The following MAP3K20 variants were observed in gnomAD, a reference collection of about 807,000 sequenced individuals.
MAP3K20 encodes mitogen-activated protein kinase kinase kinase 20, also known as HCCS-4.
MAP3K20 carries 40 observed loss-of-function variants against 85.7 expected under a neutral mutation model. The ratio of observed to expected loss-of-function variants is 0.47; its 90% CI spans 0.36 to 0.61. The LOEUF (loss-of-function observed/expected upper bound fraction) is 0.61. Ranked by LOEUF, MAP3K20 falls within the 20% of genes least tolerant of loss-of-function variation. The pLI is 0.00. For synonymous variants in MAP3K20, 325 were observed against 327.7 expected, an observed-to-expected ratio of 0.99 and a Z score of 0.09; for missense variants, 817 against 961.7, an observed-to-expected ratio of 0.85 and a Z score of 1.99.
chr2:173,221,622 G>A, intron 11 of MAP3K20: 5 of 1,364,430 alleles, frequency 3.7e-6, no homozygotes, highest in Non-Finnish European at 4.8e-6. Flanking sequence ...TAAGGAGGCA[G>A]AAAGCCAAGC....
intron 11 of MAP3K20, chr2:173,227,114 A>C (rs996602081): frequency 4.1e-6 from 4 of 985,694 alleles, no homozygotes; most frequent in Non-Finnish European, 3.6e-6. Context: ...TTGTTCTAAG[A>C]CTCCATTTTG....
chr2:173,116,193 A>G (rs2106181206), intron 2 of MAP3K20, among the ~76,000 whole-genome samples: 2 of 152,268 alleles, frequency 1.3e-5, no homozygotes, highest in South Asian at 2.1e-4. Flanking sequence ...GTATATATTC[A>G]TGCTGTACAA....
intron 2 of MAP3K20, among the ~76,000 whole-genome samples, chr2:173,148,489 T>G (rs1023398868): frequency 6.6e-6 from 1 of 152,152 alleles, no homozygotes; most frequent in African/African-American, 2.4e-5. Context: ...ATGAGTGGTG[T>G]GAGTAGAATG....
chr2:173,255,263 C>T (rs1043227900), intron 16 of MAP3K20, among the ~76,000 whole-genome samples: 7 of 152,152 alleles, frequency 4.6e-5, no homozygotes, highest in African/African-American at 1.4e-4. Flanking sequence ...GTCCTTCTTC[C>T]GCCTGCCTGT....
intron 2 of MAP3K20, among the ~76,000 whole-genome samples, chr2:173,118,001 C>G (rs1442467980): frequency 6.6e-6 from 1 of 152,182 alleles, no homozygotes; most frequent in Admixed American, 6.5e-5. Flanking sequence ...TGGCAGGAGA[C>G]TTACCCCCAA....
At chr2:173,233,890 A>C (rs1279769078) in intron 14 of MAP3K20, among the ~76,000 whole-genome samples, 1 of 152,170 alleles carries the variant, frequency 6.6e-6, no homozygotes, top group East Asian at 1.9e-4. Context: ...CACTTCCACA[A>C]CAGAAAGAGG....
intron 2 of MAP3K20, among the ~76,000 whole-genome samples, chr2:173,122,827 G>A (rs949393243): frequency 6.6e-6 from 1 of 152,150 alleles, no homozygotes; most frequent in African/African-American, 2.4e-5. Flanking sequence ...CACCGATCTT[G>A]TCTTTGGCAC....
At chr2:173,163,487 T>G (rs2106242557) in intron 2 of MAP3K20, among the ~76,000 whole-genome samples, 1 of 152,276 alleles carries the variant, frequency 6.6e-6, no homozygotes, top group African/African-American at 2.4e-5. Context: ...ATAATATTCC[T>G]AGCTCCATCC....
chr2:173,173,154 CTGTGTG>C (rs57836780), intron 3 of MAP3K20, among the ~76,000 whole-genome samples: 9,507 of 138,522 alleles, frequency 0.069, 532 homozygotes, highest in African/African-American at 0.16. Flanking sequence ...TCTTTTATTT[CTGTGTG>C]TGTGTGTGTG....
rs571778026 is a variant in MAP3K20, at chr2:173,147,055, T to A, written c.160-22750T>A. ...GGCCTATTTTTAATTCAATTATTTA[T>A]CTTTTTGTTATTGAGTTGTAAGAAT... On this transcript the variant is annotated intron_variant, in intron 2 of 19. Transcript: ENST00000375213. 1.2e-4 allele frequency among the ~76,000 whole-genome samples: 18 copies of A among 152,354 alleles called. No individual in the cohort carries two copies. In the South Asian group the frequency reaches 3.7e-3, roughly 32 times the overall value.
At chr2:173,090,553 T>C in intron 1 of MAP3K20, 1 of 916,918 alleles carries the variant, frequency 1.1e-6, no homozygotes, top group Non-Finnish European at 1.3e-6. Context: ...TGGCTTAGGT[T>C]GTGTATATTT....
intron 2 of MAP3K20, among the ~76,000 whole-genome samples, chr2:173,098,036 C>T (rs1419878797): frequency 6.6e-6 from 1 of 152,114 alleles, no homozygotes; most frequent in Non-Finnish European, 1.5e-5. Context: ...ATTGTAAGTG[C>T]TATTTTAAAT....
chr2:173,120,513 A>G (rs1232568417), intron 2 of MAP3K20, among the ~76,000 whole-genome samples: 1 of 151,496 alleles, frequency 6.6e-6, no homozygotes. Context: ...CAGAACCTAG[A>G]ATAGCCAGTG....
At chr2:173,079,604 A>C (rs72893549) in intron 1 of MAP3K20, among the ~76,000 whole-genome samples, 1 of 152,280 alleles carries the variant, frequency 6.6e-6, no homozygotes, top group Non-Finnish European at 1.5e-5. Flanking sequence ...GCTATACAAA[A>C]ATTCTTTATA....
rs147468782 is a variant in MAP3K20, at chr2:173,217,141, G to A, written c.878G>A (p.Arg293Lys). 1.8e-4 allele frequency: 282 copies of A among 1,587,514 alleles called. No individual in the cohort carries two copies. Among genetic ancestry groups the A allele is most frequent in the Non-Finnish European group, 2.2e-4 (254 of 1,166,600 alleles). ...WRCEIEATLE[R>K]LKKLERDLSF... ...TGCGAAATTGAGGCAACTCTTGAGA[G>A]GCTAAAGAAACTAGAGCGTGATCTC... The change falls in exon 11 of 20, where the codon AGG becomes AAG. Residue 293 changes from arginine (R) to lysine (K), a missense_variant. Around this residue, in one of 4 missense-constraint regions of MAP3K20, gnomAD observed 158 missense variants for 162.0 expected, o/e 0.98. Transcript: ENST00000375213.
intron 2 of MAP3K20, among the ~76,000 whole-genome samples, chr2:173,108,938 T>C (rs1687862890): frequency 1.3e-5 from 2 of 152,202 alleles, no homozygotes; most frequent in Admixed American, 6.5e-5. Context: ...TCTTTATAAT[T>C]GGTCTGTTTT....
chr2:173,238,271 A>G (rs544622697), intron 14 of MAP3K20, 102 bp from the exon 15 acceptor site: 1 of 954,306 alleles, frequency 1.0e-6, no homozygotes, highest in South Asian at 1.6e-5. Flanking sequence ...AAGATATTTT[A>G]TGAACTAGGT....
At chr2:173,137,602 T>G (rs1688833750) in intron 2 of MAP3K20, among the ~76,000 whole-genome samples, 1 of 152,214 alleles carries the variant, frequency 6.6e-6, no homozygotes, top group South Asian at 2.1e-4. Context: ...CTCCCTCTCT[T>G]TTTTTCCTTT....
At chr2:173,108,679 AAGCCTTCC>A (rs1485844775) in intron 2 of MAP3K20, among the ~76,000 whole-genome samples, 2 of 152,236 alleles carry the variant, frequency 1.3e-5, no homozygotes, top group African/African-American at 4.8e-5. Context: ...CTAAAATGGT[AAGCCTTCC>A]AGAAGACAGT....
Sources: allele counts gnomAD v4.1 joint callset (sites outside exome capture counted in the v4.1 genomes callset), GRCh38; gene constraint gnomAD v4.1.1; regional missense constraint gnomAD v4.1.1; transcripts MANE v1.5; gene names NCBI Gene and HGNC (gene_info 2026-07-23, HGNC 2026-07-21).